The following MARCHF1 variants were observed in gnomAD, a reference collection of about 807,000 sequenced individuals.
The protein encoded by MARCHF1 is E3 ubiquitin-protein ligase MARCHF1.
In MARCHF1, 40 loss-of-function variants were observed where a neutral mutation model predicts 54.2. The observed-to-expected ratio is 0.74, with a 90% CI of 0.57 to 0.96. The LOEUF (loss-of-function observed/expected upper bound fraction) is 0.96, where lower values mean the gene tolerates loss of function less well. Ranked by LOEUF, MARCHF1 falls within the 40% of genes least tolerant of loss-of-function variation. The pLI is 0.00. For synonymous variants in MARCHF1, 236 were observed against 236.3 expected, an observed-to-expected ratio of 1.00 and a Z score of 0.01; for missense variants, 586 against 656.5, an observed-to-expected ratio of 0.89 and a Z score of 1.17.
At chr4:164,181,175 T>C (rs2111013697) in intron 1 of MARCHF1, among the ~76,000 whole-genome samples, 1 of 152,144 alleles carries the variant, frequency 6.6e-6, no homozygotes, top group East Asian at 1.9e-4. Flanking sequence ...ACCAACCTTC[T>C]CCCTCCACAA....
intron 5 of MARCHF1, among the ~76,000 whole-genome samples, chr4:163,634,710 T>C (rs1049514608): frequency 8.6e-5 from 13 of 150,986 alleles, no homozygotes; most frequent in African/African-American, 2.9e-4. Context: ...TCAACAAGGA[T>C]ACCCAGGAAT....
At chr4:164,332,027 T>C (rs1579727090) in intron 1 of MARCHF1, among the ~76,000 whole-genome samples, 2 of 152,312 alleles carry the variant, frequency 1.3e-5, no homozygotes, top group South Asian at 2.1e-4. Flanking sequence ...CTCTTACCTC[T>C]ATCTTTCTTT....
At chr4:164,112,413 C>T (rs1449575304) in intron 1 of MARCHF1, among the ~76,000 whole-genome samples, 1 of 151,848 alleles carries the variant, frequency 6.6e-6, no homozygotes, top group African/African-American at 2.4e-5. Context: ...CTTATAATCT[C>T]TCCATATTCT....
rs1445660964 is a variant in MARCHF1, at chr4:163,527,919, C to CTTT, written c.*826_*828dup. 1 of 152,236 alleles carries CTTT rather than the reference C, an allele frequency of 6.6e-6. No homozygotes were observed. The highest frequency in any genetic ancestry group is 1.9e-4 in the East Asian group (1 of 5,196). The allele number at this position is 152,236 out of a possible 1,614,324, so 9.4% of individuals were successfully genotyped here. On this transcript the variant is annotated 3_prime_UTR_variant, in exon 10 of 10. Transcript: ENST00000514618. ...TTTAACAAACAAACATTTATTTTTA[C>CTTT]TTTTTAAAATAGGGCTACTGGGAAG...
chr4:163,942,095 T>G (rs1198675707), intron 3 of MARCHF1, among the ~76,000 whole-genome samples: 1 of 152,144 alleles, frequency 6.6e-6, no homozygotes, highest in African/African-American at 2.4e-5. Context: ...TAAAACAGCA[T>G]GTTAAAATAT....
At position 163,673,337 on chromosome 4, in the gene MARCHF1, T is replaced by C. The variant is rs1487347006; in HGVS notation, c.162+27476A>G. Reference sequence around the variant, plus strand: ...CTAAGGATGTTGACGAGGATTTTAATGCAGATGCATTTTAATTTAATGTTA... The same window carrying C: ...CTAAGGATGTTGACGAGGATTTTAACGCAGATGCATTTTAATTTAATGTTA... On this transcript the variant is annotated intron_variant, in intron 5 of 9. Coordinates refer to ENST00000514618, the MANE Select transcript of MARCHF1 (RefSeq NM_001394959.1). Among the ~76,000 whole-genome samples the C allele has an allele frequency of 4.6e-5, 7 of 152,250 alleles. No homozygotes were observed. The East Asian group carries it at 1.3e-3, about 29-fold the overall frequency.
At chr4:163,803,137 A>G (rs950181931) in intron 4 of MARCHF1, among the ~76,000 whole-genome samples, 9 of 152,128 alleles carry the variant, frequency 5.9e-5, no homozygotes, top group Admixed American at 2.0e-4. Flanking sequence ...GACTATTTTA[A>G]AATAATATTG....
chr4:163,771,590 G>A (rs533583132), intron 4 of MARCHF1, among the ~76,000 whole-genome samples: 4 of 152,278 alleles, frequency 2.6e-5, no homozygotes, highest in South Asian at 2.1e-4. Context: ...ATTTACCAGG[G>A]TTCTTCTCTC....
chr4:164,151,123 A>G (rs1441733871), intron 1 of MARCHF1, among the ~76,000 whole-genome samples: 2 of 149,148 alleles, frequency 1.3e-5, no homozygotes, highest in East Asian at 3.9e-4. Context: ...TTTGAGCCCA[A>G]GGAGATCCAC....
intron 5 of MARCHF1, among the ~76,000 whole-genome samples, chr4:163,647,346 G>A (rs1041976732): frequency 6.6e-6 from 1 of 152,082 alleles, no homozygotes. Flanking sequence ...TTCAACAATG[G>A]ATAGATCATC....
chr4:164,254,740 G>A (rs1027503199), intron 1 of MARCHF1, among the ~76,000 whole-genome samples: 1 of 152,082 alleles, frequency 6.6e-6, no homozygotes, highest in Non-Finnish European at 1.5e-5. Flanking sequence ...GTGTAGGCTG[G>A]GAGGCTGGTA....
chr4:164,163,283 T>C (rs990148943), intron 1 of MARCHF1, among the ~76,000 whole-genome samples: 1 of 151,826 alleles, frequency 6.6e-6, no homozygotes. Flanking sequence ...AAAGCTAAGA[T>C]AAAACTAAAA....
chr4:163,709,301 C>A (rs1017369129), intron 4 of MARCHF1, among the ~76,000 whole-genome samples: 3 of 152,068 alleles, frequency 2.0e-5, no homozygotes, highest in South Asian at 2.1e-4. Flanking sequence ...TTAGGCCAGG[C>A]AAGCAGGCTC....
chr4:164,076,164 AAC>A, intron 2 of MARCHF1, among the ~76,000 whole-genome samples: 1 of 151,432 alleles, frequency 6.6e-6, no homozygotes, highest in Non-Finnish European at 1.5e-5. Flanking sequence ...CAACAACAAC[AAC>A]AACAACAAGT....
chr4:163,532,861 CTG>C (rs947190239), intron 9 of MARCHF1, among the ~76,000 whole-genome samples: 21 of 151,896 alleles, frequency 1.4e-4, no homozygotes, highest in African/African-American at 4.8e-4. Flanking sequence ...ACTGAAAACA[CTG>C]AACGTTGGAA....
At chr4:163,913,160 C>A (rs1388944415) in intron 3 of MARCHF1, among the ~76,000 whole-genome samples, 1 of 152,140 alleles carries the variant, frequency 6.6e-6, no homozygotes, top group Non-Finnish European at 1.5e-5. Context: ...TTATTTCATT[C>A]TCCTTACCTA....
chr4:164,104,165 C>T (rs1452145112), intron 2 of MARCHF1, among the ~76,000 whole-genome samples: 1 of 147,026 alleles, frequency 6.8e-6, no homozygotes, highest in Non-Finnish European at 1.5e-5. Context: ...GATGGATTCA[C>T]AGCCGAATTC....
At chr4:163,797,327 GTGTGTA>G (rs1331771021) in intron 4 of MARCHF1, among the ~76,000 whole-genome samples, 1 of 107,854 alleles carries the variant, frequency 9.3e-6, no homozygotes, top group Non-Finnish European at 2.0e-5. Context: ...GTGTGATACG[GTGTGTA>G]TGTGTGTGTG....
At chr4:163,875,717 T>G (rs181788951) in intron 3 of MARCHF1, among the ~76,000 whole-genome samples, 1 of 152,234 alleles carries the variant, frequency 6.6e-6, no homozygotes, top group Non-Finnish European at 1.5e-5. Context: ...AACTGCCTAA[T>G]TCGTATTTTG....
Sources: gnomAD v4.1 joint callset for allele counts (sites outside exome capture counted in the v4.1 genomes callset) on GRCh38, gnomAD v4.1.1 for gene constraint, MANE v1.5 for transcripts, NCBI Gene and HGNC (gene_info 2026-07-23, HGNC 2026-07-21) for gene names.